Variants in PDGFD observed in about 807,000 individuals in gnomAD.
PDGFD encodes the protein platelet-derived growth factor D.
In PDGFD, 30 loss-of-function variants were observed where a neutral mutation model predicts 44.7. That is an observed-to-expected ratio of 0.67 (90% CI 0.50 to 0.91). The LOEUF is 0.91. PDGFD is among the 40% of genes least tolerant of loss of function. PDGFD has a pLI of 0.00. For missense variants in PDGFD, 445 were observed against 457.8 expected, an observed-to-expected ratio of 0.97 and a Z score of 0.25; for synonymous variants, 173 against 168.4, an observed-to-expected ratio of 1.03 and a Z score of -0.21.
chr11:103,942,461 T>C (rs1349931745), intron 5 of PDGFD, among the ~76,000 whole-genome samples: 4 of 152,102 alleles, frequency 2.6e-5, no homozygotes, highest in African/African-American at 9.7e-5. Flanking sequence ...AGTTTAAGCA[T>C]TGTTTTAACT....
chr11:103,984,423 G>A (rs1188835939), intron 3 of PDGFD, among the ~76,000 whole-genome samples: 1 of 151,570 alleles, frequency 6.6e-6, no homozygotes, highest in Admixed American at 6.6e-5. Context: ...GTGGAGTGGT[G>A]GAGAAGGGAG....
intron 6 of PDGFD, among the ~76,000 whole-genome samples, chr11:103,911,928 G>GA (rs1332240711): frequency 6.7e-6 from 1 of 149,328 alleles, no homozygotes; most frequent in East Asian, 2.0e-4. Flanking sequence ...CAAGATTACA[G>GA]AAAAAAGAGT....
intron 3 of PDGFD, among the ~76,000 whole-genome samples, chr11:103,985,906 C>T (rs960987249): frequency 6.6e-6 from 1 of 152,076 alleles, no homozygotes; most frequent in South Asian, 2.1e-4. Context: ...ATTAGCCGGG[C>T]CCAGCCAAGA....
intron 1 of PDGFD, among the ~76,000 whole-genome samples, chr11:104,047,932 G>C (rs1860469450): frequency 6.6e-6 from 1 of 152,022 alleles, no homozygotes; most frequent in Admixed American, 6.6e-5. Flanking sequence ...AATGATTATA[G>C]TACATAGCTA....
At chr11:104,147,883 A>C (rs1393043247) in intron 1 of PDGFD, among the ~76,000 whole-genome samples, 3 of 152,198 alleles carry the variant, frequency 2.0e-5, no homozygotes, top group East Asian at 3.9e-4. Context: ...TTTTAAAATC[A>C]GCCAGAAAGA....
chr11:104,050,594 T>G (rs1322333323), intron 1 of PDGFD, among the ~76,000 whole-genome samples: 1 of 152,196 alleles, frequency 6.6e-6, no homozygotes, highest in East Asian at 1.9e-4. Flanking sequence ...GACCTCAGTT[T>G]GCTCATCAAG....
At chr11:104,065,533 TAAATA>T (rs896995109) in intron 1 of PDGFD, among the ~76,000 whole-genome samples, 1 of 152,084 alleles carries the variant, frequency 6.6e-6, no homozygotes, top group African/African-American at 2.4e-5. Flanking sequence ...CAAATAAATA[TAAATA>T]AAATAAGAAT....
At chr11:104,097,383 C>T (rs547623707) in intron 1 of PDGFD, among the ~76,000 whole-genome samples, 1 of 152,198 alleles carries the variant, frequency 6.6e-6, no homozygotes, top group East Asian at 1.9e-4. Context: ...ATGCAGTAGT[C>T]AGATATGAGC....
intron 1 of PDGFD, among the ~76,000 whole-genome samples, chr11:104,128,150 T>TAC (rs1205108765): frequency 5.2e-5 from 7 of 135,046 alleles, no homozygotes; most frequent in African/African-American, 2.0e-4. Context: ...TGATTAAGTG[T>TAC]TAAATCTACC....
intron 1 of PDGFD, among the ~76,000 whole-genome samples, chr11:104,151,946 C>A (rs1862251929): frequency 6.6e-6 from 1 of 151,988 alleles, no homozygotes; most frequent in African/African-American, 2.4e-5. Context: ...AAAAAAATCC[C>A]AGGTCACATA....
chr11:104,092,421 C>G (rs1861223712), intron 1 of PDGFD, among the ~76,000 whole-genome samples: 1 of 152,012 alleles, frequency 6.6e-6, no homozygotes, highest in Non-Finnish European at 1.5e-5. Flanking sequence ...AACCGAGGAC[C>G]TACTCCCTCA....
intron 2 of PDGFD, among the ~76,000 whole-genome samples, chr11:103,997,956 C>T (rs1293685291): frequency 6.6e-6 from 1 of 152,084 alleles, no homozygotes; most frequent in African/African-American, 2.4e-5. Context: ...TGAGGAGCAA[C>T]TAGATTTGAT....
rs145707957 is a variant in PDGFD, at chr11:104,083,829, A to G, written c.124+79975T>C. ...TTTTGAGAAGAATGAGTGTAAAATA[A>G]TCTGGTGTCTTCTAGGCAGCATTGC... On this transcript the variant is annotated intron_variant, in intron 1 of 6. Coordinates refer to ENST00000393158, the MANE Select transcript of PDGFD (RefSeq NM_025208.5). 6.5e-4 allele frequency among the ~76,000 whole-genome samples: 99 copies of G among 152,322 alleles called. 1 individual carries two copies. In the East Asian group the frequency reaches 0.018, roughly 27 times the overall value.
intron 1 of PDGFD, among the ~76,000 whole-genome samples, chr11:104,131,751 A>AGAC (rs1861922733): frequency 6.8e-6 from 1 of 148,044 alleles, no homozygotes; most frequent in Admixed American, 6.9e-5. Flanking sequence ...CCTTAGACAG[A>AGAC]GACACTGTCC....
intron 4 of PDGFD, 136 bp from the exon 5 acceptor site, chr11:103,943,786 CAA>C: frequency 1.5e-6 from 1 of 660,260 alleles, no homozygotes. Flanking sequence ...TATGTAAAAA[CAA>C]CATGGTATTG....
At chr11:104,075,653 C>G (rs1419656893) in intron 1 of PDGFD, among the ~76,000 whole-genome samples, 3 of 152,010 alleles carry the variant, frequency 2.0e-5, no homozygotes, top group Admixed American at 6.6e-5. Context: ...CACCATGCCG[C>G]CCAGCTAATT....
chr11:104,158,705 C>T (rs983467575), intron 1 of PDGFD, among the ~76,000 whole-genome samples: 4 of 151,910 alleles, frequency 2.6e-5, no homozygotes, highest in Non-Finnish European at 2.9e-5. Context: ...TGGTGGCAGG[C>T]GCCTGTGGTC....
chr11:104,155,064 C>A (rs1236428743), intron 1 of PDGFD, among the ~76,000 whole-genome samples: 1 of 152,186 alleles, frequency 6.6e-6, no homozygotes, highest in East Asian at 1.9e-4. Context: ...CCAATAAAAT[C>A]CCTGTTCACC....
intron 1 of PDGFD, among the ~76,000 whole-genome samples, chr11:104,050,488 G>C (rs1339042380): frequency 6.6e-6 from 1 of 152,184 alleles, no homozygotes; most frequent in African/African-American, 2.4e-5. Context: ...TTTGCTGATA[G>C]AAGCAGCACT....
Sources: allele counts gnomAD v4.1 joint callset (sites outside exome capture counted in the v4.1 genomes callset), GRCh38; gene constraint gnomAD v4.1.1; transcripts MANE v1.5; gene names NCBI Gene and HGNC (gene_info 2026-07-23, HGNC 2026-07-21).